Variants in CX3CL1 observed in about 807,000 individuals in gnomAD.
The protein encoded by CX3CL1 is fractalkine.
In CX3CL1, 1 loss-of-function variant was observed where a neutral mutation model predicts 14.1. The ratio of observed to expected loss-of-function variants is 0.07; its 90% CI spans 0.03 to 0.34. CX3CL1 has a LOEUF of 0.34. CX3CL1 is among the 10% of genes least tolerant of loss of function. The probability of loss-of-function intolerance (pLI) is 0.99; values close to 1 mark genes in which losing one functional copy is unlikely to be tolerated. For missense variants in CX3CL1, 505 were observed against 536.4 expected, an observed-to-expected ratio of 0.94 and a Z score of 0.58; for synonymous variants, 255 against 229.6, an observed-to-expected ratio of 1.11 and a Z score of -1.00.
rs117270130 is a variant in CX3CL1 at position 57,379,763 on chromosome 16, T to C, written c.191+9T>C. The C allele has an allele frequency of 4.5e-3, 7,333 of 1,614,158 alleles. 19 individuals carry two copies. The highest frequency in any genetic ancestry group is 5.6e-3 in the Non-Finnish European group (6,621 of 1,179,958). On this transcript the variant is annotated intron_variant, in intron 2 of 2. Transcript: ENST00000006053. ...GGCAAACGCGCAATCATGTAGGTACTGCCCTCGAGGCCTCTGAAATCCCCT... is the reference window on the plus strand; with the variant it reads ...GGCAAACGCGCAATCATGTAGGTACCGCCCTCGAGGCCTCTGAAATCCCCT...
At chr16:57,375,185 G>A (rs1035565933) in intron 1 of CX3CL1, among the ~76,000 whole-genome samples, 7 of 151,726 alleles carry the variant, frequency 4.6e-5, no homozygotes, top group Non-Finnish European at 1.0e-4. Flanking sequence ...AAAATAGAGA[G>A]GGGAGAAGAG....
At chr16:57,377,359 A>G (rs1177528888) in intron 1 of CX3CL1, 1 of 152,450 alleles carries the variant, frequency 6.6e-6, no homozygotes, top group Non-Finnish European at 1.5e-5. Flanking sequence ...GCCAGCCCAC[A>G]CAGTGACTTT....
At chr16:57,376,477 TG>T (rs1902247484) in intron 1 of CX3CL1, among the ~76,000 whole-genome samples, 1 of 150,966 alleles carries the variant, frequency 6.6e-6, no homozygotes, top group South Asian at 2.1e-4. Flanking sequence ...GATGGATGGA[TG>T]GATGGATGGA....
Position 57,382,280 on chromosome 16 carries a change from C to T in CX3CL1, c.442C>T (p.Gln148Ter). The change falls in exon 3 of 3, where the codon CAG becomes TAG. Residue 148 changes from glutamine (Q) to a stop codon, truncating the protein, a stop_gained. Transcript: ENST00000006053. LOFTEE classifies it low-confidence loss of function (END_TRUNC). This position sits in a 1 kb window ranked among gnomAD's most constrained non-coding sequence, Gnocchi z 6.9. ...GCCGACTCCTTCTTCCCAGGAAGCA[C>T]AGAGGGCCCTGGGGACCTCCCCAGA... The part of the protein sequence containing the change: ...LEPTPSSQEA[Q>*]RALGTSPELP... The T allele has an allele frequency of 6.2e-7, 1 of 1,607,904 alleles. No homozygotes were observed. Among genetic ancestry groups the T allele is most frequent in the Non-Finnish European group, 8.5e-7 (1 of 1,176,452 alleles).
chr16:57,380,462 G>T (rs1447577500), intron 2 of CX3CL1, among the ~76,000 whole-genome samples: 1 of 152,144 alleles, frequency 6.6e-6, no homozygotes, highest in Non-Finnish European at 1.5e-5. Flanking sequence ...GGAGGTTGAG[G>T]CAGGAGAATC....
intron 1 of CX3CL1, among the ~76,000 whole-genome samples, chr16:57,373,691 C>T (rs1379556027): frequency 6.6e-6 from 1 of 152,218 alleles, no homozygotes; most frequent in Admixed American, 6.5e-5. Flanking sequence ...TGCTGGCTTC[C>T]TGCTGTCTGG....
At chr16:57,373,014 C>T (rs1597994848) in intron 1 of CX3CL1, among the ~76,000 whole-genome samples, 1 of 152,144 alleles carries the variant, frequency 6.6e-6, no homozygotes. Context: ...CAGTGGCTGG[C>T]TCTTTCCATC....
Position 57,382,470 on chromosome 16 carries a change from C to T in CX3CL1, c.632C>T (p.Ala211Val), listed in dbSNP as rs1199242001. The T allele has an allele frequency of 6.2e-7, 1 of 1,612,724 alleles. No homozygotes were observed. Among genetic ancestry groups the T allele is most frequent in the Non-Finnish European group, 8.5e-7 (1 of 1,179,760 alleles). Reference sequence around the variant, plus strand: ...CACCAACCTGGGCCCAGCCTCTGGGCTGAGGCAAAGACCTCTGAGGCCCCG... The same window carrying T: ...CACCAACCTGGGCCCAGCCTCTGGGTTGAGGCAAAGACCTCTGAGGCCCCG... ...APHQPGPSLW[A>V]EAKTSEAPST... is the part of the protein sequence containing the mutation. The change falls in exon 3 of 3, where the codon GCT becomes GTT. Residue 211 changes from alanine (A) to valine (V), a missense_variant. By Grantham distance (64) the Ala-to-Val change is moderately conservative. Coordinates refer to ENST00000006053, the MANE Select transcript of CX3CL1 (RefSeq NM_002996.6). This position sits in a 1 kb window ranked among gnomAD's most constrained non-coding sequence, Gnocchi z 6.9.
At chr16:57,380,612 A>T (rs1902305799) in intron 2 of CX3CL1, among the ~76,000 whole-genome samples, 1 of 151,828 alleles carries the variant, frequency 6.6e-6, no homozygotes. Flanking sequence ...GGGTGCTGTC[A>T]GTAGGAGCTG....
chr16:57,377,151 T>C (rs1424217140), intron 1 of CX3CL1: 1 of 152,226 alleles, frequency 6.6e-6, no homozygotes, highest in Non-Finnish European at 1.5e-5. Context: ...GAGCACAGAA[T>C]GGACCTTCTT....
At chr16:57,372,715 G>A (rs1597994675) in intron 1 of CX3CL1, 77 bp downstream of exon 1, 1 of 1,505,834 alleles carries the variant, frequency 6.6e-7, no homozygotes, top group East Asian at 2.3e-5. Flanking sequence ...CCTGACATCA[G>A]GGGCCCCAGA....
chr16:57,375,137 T>TAA (rs1428075473), intron 1 of CX3CL1, among the ~76,000 whole-genome samples: 1 of 57,998 alleles, frequency 1.7e-5, no homozygotes, highest in African/African-American at 5.5e-5. Context: ...GAGAGTCCAT[T>TAA]TAAAAAAAAA....
chr16:57,382,101 A>T lies in CX3CL1; in HGVS notation c.263A>T (p.His88Leu). Residue 88 changes from histidine (H) to leucine (L), a missense_variant, in exon 3 of 3, where the codon CAT (histidine) becomes CTT (leucine). By Grantham distance (99) the His-to-Leu change is moderately conservative (BLOSUM62 -3). Transcript: ENST00000006053. The surrounding 1 kb of genome is among the most constrained non-coding windows in gnomAD (Gnocchi z 6.9). ...KEQWVKDAMQHLDRQAAALTR... is the reference protein window; with the variant it reads ...KEQWVKDAMQLLDRQAAALTR... ...CAATGGGTCAAGGACGCGATGCAGC[A>T]TCTGGACCGCCAGGCTGCTGCCCTA... 1.9e-6 allele frequency: 3 copies of T among 1,613,966 alleles called. No individual in the cohort carries two copies. Among genetic ancestry groups the T allele is most frequent in the Non-Finnish European group, 2.5e-6 (3 of 1,179,922 alleles).
In CX3CL1 at chr16:57,384,576, G is replaced by A. The variant is rs577654657; in HGVS notation, c.*1544G>A. Reference sequence around the variant, plus strand: ...CTTATGGGCTGGGTTCTACCCAGGTGCTAGGAACACTCCTTCACAGATGGG... The same window carrying A: ...CTTATGGGCTGGGTTCTACCCAGGTACTAGGAACACTCCTTCACAGATGGG... On this transcript the variant is annotated 3_prime_UTR_variant, in exon 3 of 3. Transcript: ENST00000006053. 1.3e-5 allele frequency: 2 copies of A among 152,454 alleles called. No homozygotes were observed. The highest frequency in any genetic ancestry group is 4.1e-4 in the South Asian group (2 of 4,826). The allele number at this position is 152,454 out of a possible 1,614,324, so 9.4% of individuals were successfully genotyped here.
chr16:57,382,895 T>G lies in CX3CL1; in HGVS notation c.1057T>G (p.Phe353Val). Residue 353 changes from phenylalanine to valine, a missense_variant, in exon 3 of 3, where the codon TTC becomes GTC. Phe to Val is a conservative substitution (Grantham distance 50). Transcript: ENST00000006053. The surrounding 1 kb of genome is among the most constrained non-coding windows in gnomAD (Gnocchi z 6.9). ...VGLLAFLGLLFCLGVAMFTYQ... is the reference protein window; with the variant it reads ...VGLLAFLGLLVCLGVAMFTYQ... ...GCTGCTGGCCTTCCTTGGCCTCCTC[T>G]TCTGCCTGGGGGTGGCCATGTTCAC... is the stretch of plus-strand genomic sequence containing the variant. The G allele has an allele frequency of 6.4e-7, 1 of 1,557,872 alleles. No individual in the cohort carries two copies. The highest frequency in any genetic ancestry group is 8.7e-7 in the Non-Finnish European group (1 of 1,148,328).
intron 2 of CX3CL1, 95 bp downstream of exon 2, chr16:57,379,849 C>T: frequency 6.9e-7 from 1 of 1,457,080 alleles, no homozygotes; most frequent in South Asian, 1.2e-5. Flanking sequence ...CGCTCCCAGA[C>T]CTGGGCTCCC....
intron 2 of CX3CL1, among the ~76,000 whole-genome samples, chr16:57,380,368 G>C (rs1231571430): frequency 6.6e-6 from 1 of 152,122 alleles, no homozygotes; most frequent in African/African-American, 2.4e-5. Context: ...GACCAGGCTG[G>C]CCAACACGGT....
intron 1 of CX3CL1, among the ~76,000 whole-genome samples, chr16:57,373,372 A>T (rs558250044): frequency 6.6e-6 from 1 of 152,352 alleles, no homozygotes; most frequent in African/African-American, 2.4e-5. Flanking sequence ...AACTGGCCTG[A>T]CAATGCACAG....
rs1316002748 is a variant in CX3CL1, at chr16:57,382,521, C to T, written c.683C>T (p.Ala228Val). 3.1e-6 allele frequency: 5 copies of T among 1,613,508 alleles called. No homozygotes were observed. Among genetic ancestry groups the T allele is most frequent in the Non-Finnish European group, 4.2e-6 (5 of 1,179,928 alleles). The stretch of plus-strand genomic sequence containing the variant: ...TCCACCCAGGACCCCTCCACCCAGG[C>T]CTCCACTGCGTCCTCCCCAGCCCCA... Reference protein sequence around the residue: ...APSTQDPSTQASTASSPAPEE... With the variant: ...APSTQDPSTQVSTASSPAPEE... The change falls in exon 3 of 3, where the codon GCC becomes GTC. Residue 228 changes from alanine (A) to valine (V), a missense_variant. Transcript: ENST00000006053. The surrounding 1 kb of genome is among the most constrained non-coding windows in gnomAD (Gnocchi z 6.9).
Sources: gnomAD v4.1 joint callset for allele counts (sites outside exome capture counted in the v4.1 genomes callset) on GRCh38, gnomAD v4.1.1 for gene constraint, Gnocchi (gnomAD v3.1) non-coding constraint, MANE v1.5 for transcripts, NCBI Gene and HGNC (gene_info 2026-07-23, HGNC 2026-07-21) for gene names.